LARGE1: variants seen among roughly 807,000 people sequenced by gnomAD.
The protein encoded by LARGE1 is LARGE xylosyl- and glucuronyltransferase 1, also known as xylosyl- and glucuronyltransferase LARGE1.
In LARGE1, 43 loss-of-function variants were observed where a neutral mutation model predicts 87.6. The observed-to-expected ratio is 0.49, with a 90% CI of 0.38 to 0.63. The LOEUF (loss-of-function observed/expected upper bound fraction) is 0.63. Ranked by LOEUF, LARGE1 falls within the 30% of genes least tolerant of loss-of-function variation. The pLI is 0.00. For synonymous variants in LARGE1, 434 were observed against 394.6 expected, an observed-to-expected ratio of 1.10 and a Z score of -1.18; for missense variants, 802 against 1,000.2, an observed-to-expected ratio of 0.80 and a Z score of 2.67.
chr22:33,582,007 C>T (rs1390417930), intron 5 of LARGE1, among the ~76,000 whole-genome samples: 1 of 152,184 alleles, frequency 6.6e-6, no homozygotes, highest in East Asian at 1.9e-4. Context: ...ATCACCTTCA[C>T]AGTCAGCACC....
intron 1 of LARGE1, among the ~76,000 whole-genome samples, chr22:33,838,623 G>A (rs922144505): frequency 1.3e-5 from 2 of 152,086 alleles, no homozygotes; most frequent in African/African-American, 2.4e-5. Flanking sequence ...CCTGTCCCCA[G>A]CAAAATAAAT....
chr22:33,697,725 A>AC (rs1204959819), intron 2 of LARGE1, among the ~76,000 whole-genome samples: 1 of 152,302 alleles, frequency 6.6e-6, no homozygotes, highest in Non-Finnish European at 1.5e-5. Flanking sequence ...CTTTCTCTCA[A>AC]CAATGTTCTT....
intron 2 of LARGE1, among the ~76,000 whole-genome samples, chr22:33,688,338 G>A (rs1353804820): frequency 6.6e-6 from 1 of 152,076 alleles, no homozygotes; most frequent in Non-Finnish European, 1.5e-5. Context: ...CAAATCCCTT[G>A]CAGGTTGCAC....
At chr22:33,115,017 T>C in the LARGE1 span, among the ~76,000 whole-genome samples, 1 of 152,188 alleles carries the variant, frequency 6.6e-6, no homozygotes, top group African/African-American at 2.4e-5. Flanking sequence ...CTTGGTGTCC[T>C]GAAAAATGTT....
At chr22:33,837,460 T>A (rs1364325150) in intron 1 of LARGE1, among the ~76,000 whole-genome samples, 1 of 152,214 alleles carries the variant, frequency 6.6e-6, no homozygotes, top group South Asian at 2.1e-4. Flanking sequence ...TGCCCTAACA[T>A]CTTCAAGAAA....
chr22:33,682,905 T>A (rs1481121020), intron 2 of LARGE1, among the ~76,000 whole-genome samples: 1 of 152,184 alleles, frequency 6.6e-6, no homozygotes, highest in Non-Finnish European at 1.5e-5. Context: ...AGTGGTCCCA[T>A]CCCAAGTTTG....
At chr22:33,104,959 TTCTC>T in the LARGE1 span, among the ~76,000 whole-genome samples, 4 of 148,216 alleles carry the variant, frequency 2.7e-5, no homozygotes, top group African/African-American at 5.0e-5. Context: ...CTTTCTCTCT[TTCTC>T]TCTTTCTTTC....
intron 2 of LARGE1, among the ~76,000 whole-genome samples, chr22:33,683,661 TAGAC>T (rs963722914): frequency 4.0e-5 from 6 of 151,296 alleles, no homozygotes; most frequent in Admixed American, 1.3e-4. Context: ...AGACAGACGA[TAGAC>T]AGAAGATAGA....
At chr22:33,878,314 TTTTAGTATA>T (rs1360613455) in intron 1 of LARGE1, among the ~76,000 whole-genome samples, 1 of 151,672 alleles carries the variant, frequency 6.6e-6, no homozygotes, top group Non-Finnish European at 1.5e-5. Flanking sequence ...ATTTTTGTAT[TTTTAGTATA>T]CAAATACATA....
intron 11 of LARGE1, among the ~76,000 whole-genome samples, chr22:33,225,525 G>A (rs1482202575): frequency 6.6e-6 from 1 of 151,914 alleles, no homozygotes; most frequent in African/African-American, 2.4e-5. Context: ...CATTTTCCAG[G>A]CATTTCTCTT....
chr22:33,871,995 A>AAAG (rs929298849), intron 1 of LARGE1, among the ~76,000 whole-genome samples: 32 of 151,432 alleles, frequency 2.1e-4, no homozygotes, highest in African/African-American at 7.5e-4. Flanking sequence ...AAAAAAAAAA[A>AAAG]AAAGAAAAGA....
At chr22:33,531,581 T>C (rs1486836779) in intron 6 of LARGE1, among the ~76,000 whole-genome samples, 1 of 152,256 alleles carries the variant, frequency 6.6e-6, no homozygotes, top group Non-Finnish European at 1.5e-5. Flanking sequence ...ATCACACAGC[T>C]AGAAAATGGC....
chr22:33,561,248 G>A (rs908259458), intron 6 of LARGE1, among the ~76,000 whole-genome samples: 4 of 152,136 alleles, frequency 2.6e-5, no homozygotes, highest in East Asian at 3.9e-4. Flanking sequence ...CCATTGTAAT[G>A]GTGTGTTGAA....
intron 7 of LARGE1, among the ~76,000 whole-genome samples, chr22:33,428,021 T>C (rs898390278): frequency 1.3e-5 from 2 of 152,320 alleles, no homozygotes; most frequent in African/African-American, 4.8e-5. Context: ...CCTTTTCAGA[T>C]AGTAAAGAGA....
At chr22:33,207,572 A>T (rs1472409592) in intron 11 of LARGE1, among the ~76,000 whole-genome samples, 1 of 152,154 alleles carries the variant, frequency 6.6e-6, no homozygotes, top group Non-Finnish European at 1.5e-5. Context: ...GACAAGCTCG[A>T]TACTGGCTGA....
intron 11 of LARGE1, among the ~76,000 whole-genome samples, chr22:33,237,262 A>G (rs972059061): frequency 6.6e-6 from 1 of 152,228 alleles, no homozygotes; most frequent in African/African-American, 2.4e-5. Context: ...TTAAACATGC[A>G]TGGTATATTT....
chr22:33,573,003 G>A (rs550002982), intron 5 of LARGE1, among the ~76,000 whole-genome samples: 1 of 152,312 alleles, frequency 6.6e-6, no homozygotes, highest in Non-Finnish European at 1.5e-5. Context: ...AAACCTCTAT[G>A]TACCTCAGTT....
In LARGE1 at chr22:33,453,082, C is replaced by T. The variant is rs144438539; in HGVS notation, c.788-20817G>A. Among the ~76,000 whole-genome samples the T allele has an allele frequency of 1.5e-3, 229 of 152,326 alleles. 2 individuals carry two copies. Among genetic ancestry groups the T allele is most frequent in the African/African-American group, 5.0e-3 (209 of 41,572 alleles). On this transcript the variant is annotated intron_variant, in intron 6 of 14. Transcript: ENST00000397394. ...CAGAGACAAGCCAACTTCATCATCTCTACAGACAGGTTTGTAGTGCTAAAG... is the reference window on the plus strand; with the variant it reads ...CAGAGACAAGCCAACTTCATCATCTTTACAGACAGGTTTGTAGTGCTAAAG...
the LARGE1 span, among the ~76,000 whole-genome samples, chr22:33,102,595 T>C: frequency 3.9e-5 from 6 of 152,148 alleles, no homozygotes; most frequent in Non-Finnish European, 8.8e-5. Context: ...GTTCAAGTGA[T>C]TCTTCTGCCT....
Sources: allele counts gnomAD v4.1 joint callset (sites outside exome capture counted in the v4.1 genomes callset), GRCh38; gene constraint gnomAD v4.1.1; transcripts MANE v1.5; gene names NCBI Gene and HGNC (gene_info 2026-07-23, HGNC 2026-07-21).